WNK1: variants seen among roughly 807,000 people sequenced by gnomAD.
WNK1 encodes the protein serine/threonine-protein kinase WNK1.
A neutral mutation model predicts 222.8 loss-of-function variants in WNK1; 38 were observed. That is an observed-to-expected ratio of 0.17 (90% CI 0.13 to 0.22). The LOEUF is 0.22. WNK1 is among the 10% of genes least tolerant of loss of function. WNK1 has a pLI of 1.00. For synonymous variants in WNK1, 1,090 were observed against 1,092.9 expected (o/e 1.00, Z 0.05); for missense variants, 2,348 against 2,918.4 (o/e 0.80, Z 4.50).
intron 1 of WNK1, among the ~76,000 whole-genome samples, chr12:796,391 A>G (rs143726652): frequency 6.6e-6 from 1 of 152,320 alleles, no homozygotes; most frequent in African/African-American, 2.4e-5. Flanking sequence ...GGAGTAGGAA[A>G]CACATACTTT....
At chr12:848,142 C>A (rs113960687) in intron 4 of WNK1, among the ~76,000 whole-genome samples, 1 of 152,146 alleles carries the variant, frequency 6.6e-6, no homozygotes, top group Non-Finnish European at 1.5e-5. Flanking sequence ...ATAGAATTAA[C>A]ATTTCTGTTA....
chr12:753,868 C>A lies in WNK1; in HGVS notation c.303C>A (p.Ser101=). ...TGGAGCTTCCCGGCCTTCCTCTTTC[C>A]CTGCCCCAGCCCAGCATCCCCGCGG... ...TALELPGLPL[S]LPQPSIPAAV... is the part of the protein sequence containing the mutation. The change falls in exon 1 of 28, where the codon TCC becomes TCA. Residue 101 remains serine, a synonymous_variant. Coordinates refer to ENST00000315939, the MANE Select transcript of WNK1 (RefSeq NM_018979.4). The surrounding 1 kb of genome is among the most constrained non-coding windows in gnomAD (Gnocchi z 5.2). 1 of 1,612,554 alleles carries A rather than the reference C, an allele frequency of 6.2e-7. No homozygotes were observed. Among genetic ancestry groups the A allele is most frequent in the Non-Finnish European group, 8.5e-7 (1 of 1,179,892 alleles).
At chr12:904,661 G>A (rs937060375) in intron 26 of WNK1, among the ~76,000 whole-genome samples, 1 of 152,028 alleles carries the variant, frequency 6.6e-6, no homozygotes, top group African/African-American at 2.4e-5. Flanking sequence ...TCTCCTAGTC[G>A]GTGCCCTCAG....
At chr12:895,001 C>G (rs1045993098) in intron 23 of WNK1, among the ~76,000 whole-genome samples, 16 of 152,022 alleles carry the variant, frequency 1.1e-4, no homozygotes, top group African/African-American at 3.9e-4. Context: ...ATTGGTTTAC[C>G]TAACCAGTCT....
intron 7 of WNK1, among the ~76,000 whole-genome samples, chr12:861,638 T>A (rs10849571): frequency 0.82 from 125,174 of 151,874 alleles, 51,658 homozygotes; most frequent in East Asian, 0.96. Flanking sequence ...ATAAAACAGA[T>A]TTAATAATGA....
chr12:883,229 T>G (rs1211541045), intron 15 of WNK1, among the ~76,000 whole-genome samples, 166 bp from the exon 16 acceptor site: 1 of 152,256 alleles, frequency 6.6e-6, no homozygotes, highest in African/African-American at 2.4e-5. Context: ...TGTTTTTGTC[T>G]AGGCTATGTC....
chr12:891,981 G>C (rs926663977), intron 22 of WNK1, among the ~76,000 whole-genome samples: 3 of 149,604 alleles, frequency 2.0e-5, no homozygotes, highest in Admixed American at 6.6e-5. Context: ...GATTTTAATG[G>C]CCACAGTTAT....
chr12:809,452 G>T (rs1591802670), intron 1 of WNK1, among the ~76,000 whole-genome samples: 1 of 151,942 alleles, frequency 6.6e-6, no homozygotes. Flanking sequence ...AAGAGTACCA[G>T]ACTGGAAGGT....
intron 1 of WNK1, among the ~76,000 whole-genome samples, chr12:810,777 T>C (rs1175314473): frequency 2.0e-5 from 3 of 152,178 alleles, no homozygotes; most frequent in Non-Finnish European, 4.4e-5. Flanking sequence ...AGCATTGTGC[T>C]TCTCACTCCA....
chr12:851,548 T>G, intron 4 of WNK1: 1 of 1,174,984 alleles, frequency 8.5e-7, no homozygotes, highest in Non-Finnish European at 1.1e-6. Flanking sequence ...TGTCTGAGAG[T>G]TGGGGAAGCA....
rs762925275 is a variant in WNK1 at position 900,524 on chromosome 12, C to T, written c.6497C>T (p.Thr2166Ile). 13 of 1,614,070 alleles carry T rather than the reference C, an allele frequency of 8.1e-6. No individual in the cohort carries two copies. The East Asian group carries it at 2.0e-4, about 25-fold the overall frequency. ...SAASVLHPQQTLHPPGNIPES... is the reference protein window; with the variant it reads ...SAASVLHPQQILHPPGNIPES... ...GCTTCAGTCTTGCACCCCCAGCAGA[C>T]CCTCCACCCTCCTGGCAACATCCCA... The change falls in exon 26 of 28, where the codon ACC (threonine) becomes ATC (isoleucine). Residue 2166 changes from threonine to isoleucine, a missense_variant. Thr to Ile is a moderately conservative substitution (Grantham distance 89, BLOSUM62 -1). Around this residue, in one of 13 missense-constraint regions of WNK1, gnomAD observed 1,144 missense variants for 1,273.6 expected, o/e 0.90. Transcript: ENST00000315939.
chr12:883,672 C>G, intron 16 of WNK1, 102 bp from the exon 17 acceptor site: 2 of 1,594,950 alleles, frequency 1.3e-6, no homozygotes, highest in African/African-American at 2.7e-5. Context: ...ACACCCATGA[C>G]CGACAACAAA....
chr12:764,634 CAAAAAAAAAAAA>C (rs529312629), intron 1 of WNK1, among the ~76,000 whole-genome samples: 1 of 50,158 alleles, frequency 2.0e-5, no homozygotes, highest in African/African-American at 8.5e-5. Flanking sequence ...AACTCCGTCT[CAAAAAAAAAAAA>C]AAAAAAAAGA....
chr12:788,302 C>G (rs1362274096), intron 1 of WNK1, among the ~76,000 whole-genome samples: 1 of 151,966 alleles, frequency 6.6e-6, no homozygotes. Flanking sequence ...GATTGTCCTT[C>G]ATATCAGCTT....
intron 3 of WNK1, 127 bp from the exon 4 acceptor site, chr12:829,876 C>T (rs1353081803): frequency 2.1e-6 from 2 of 951,092 alleles, no homozygotes; most frequent in Admixed American, 1.8e-5. Flanking sequence ...TCTTTTCTCC[C>T]CCTTTCCTTT....
intron 1 of WNK1, among the ~76,000 whole-genome samples, chr12:792,829 AT>A (rs926698796): frequency 1.6e-4 from 24 of 152,148 alleles, no homozygotes; most frequent in South Asian, 4.1e-4. Flanking sequence ...ATTAAAAAAA[AT>A]ATATATAAAC....
intron 26 of WNK1, among the ~76,000 whole-genome samples, chr12:902,296 C>CT (rs781754212): frequency 2.0e-5 from 3 of 152,128 alleles, no homozygotes; most frequent in East Asian, 3.9e-4. Flanking sequence ...GAGTGAGACT[C>CT]TATCTCAAAA....
At chr12:889,598 C>CACA (rs1954007472) in intron 21 of WNK1, among the ~76,000 whole-genome samples, 1 of 152,102 alleles carries the variant, frequency 6.6e-6, no homozygotes, top group South Asian at 2.1e-4. Flanking sequence ...GCGGGCGGAT[C>CACA]ACAAGGTCAG....
At chr12:871,381 T>C (rs1952131516) in intron 9 of WNK1, 33 bp downstream of exon 9, 1 of 1,596,632 alleles carries the variant, frequency 6.3e-7, no homozygotes, top group Admixed American at 1.7e-5. Context: ...TTTTATGAAT[T>C]AGCAGTGGCC....
Sources: gnomAD v4.1 joint callset for allele counts (sites outside exome capture counted in the v4.1 genomes callset) on GRCh38, gnomAD v4.1.1 for gene constraint, gnomAD v4.1.1 regional missense constraint, Gnocchi (gnomAD v3.1) non-coding constraint, MANE v1.5 for transcripts, NCBI Gene and HGNC (gene_info 2026-07-23, HGNC 2026-07-21) for gene names.